The following SWAP70 variants were observed in gnomAD, a reference collection of about 807,000 sequenced individuals.
The protein encoded by SWAP70 is switch-associated protein 70.
Under a neutral mutation model 80.2 loss-of-function variants are expected in SWAP70, and 34 were observed. The observed-to-expected ratio is 0.42, with a 90% CI of 0.32 to 0.56. SWAP70 has a LOEUF of 0.56. Among genes scored for constraint, SWAP70 ranks in the 20% least tolerant of loss-of-function variants. The probability of loss-of-function intolerance (pLI) is 0.09; values close to 1 mark genes in which losing one functional copy is unlikely to be tolerated. For missense variants in SWAP70, 578 were observed against 690.7 expected (o/e 0.84, Z 1.83); for synonymous variants, 239 against 238.5 (o/e 1.00, Z -0.02).
At chr11:9,666,871 C>G (rs1252733040) in intron 1 of SWAP70, among the ~76,000 whole-genome samples, 1 of 151,676 alleles carries the variant, frequency 6.6e-6, no homozygotes, top group South Asian at 2.1e-4. Context: ...ACTACAGACA[C>G]GTGCCACCAA....
At chr11:9,694,726 A>G (rs1013169545) in intron 2 of SWAP70, among the ~76,000 whole-genome samples, 2 of 152,252 alleles carry the variant, frequency 1.3e-5, no homozygotes, top group African/African-American at 4.8e-5. Context: ...ATCACTGATC[A>G]TCAGAGAAAT....
chr11:9,733,377 C>T (rs1247805027), intron 7 of SWAP70, among the ~76,000 whole-genome samples: 1 of 152,200 alleles, frequency 6.6e-6, no homozygotes, highest in African/African-American at 2.4e-5. Context: ...CTCAAGGACT[C>T]TTTCATGCAC....
intron 2 of SWAP70, among the ~76,000 whole-genome samples, chr11:9,695,818 G>A (rs1403733083): frequency 2.0e-5 from 3 of 151,494 alleles, no homozygotes; most frequent in Non-Finnish European, 4.4e-5. Context: ...TTTTTTTTGA[G>A]GGGTCTCATC....
chr11:9,746,918 C>T (rs962894320), intron 9 of SWAP70, among the ~76,000 whole-genome samples: 12 of 152,186 alleles, frequency 7.9e-5, no homozygotes, highest in Non-Finnish European at 1.8e-4. Flanking sequence ...TAGTCTGTTA[C>T]TTTATTCCTT....
At chr11:9,664,398 C>A in intron 1 of SWAP70, 120 bp downstream of exon 1, 3 of 1,092,710 alleles carry the variant, frequency 2.7e-6, no homozygotes, top group South Asian at 1.6e-5. Context: ...GGAATGCGCC[C>A]GGTAGGCCCG....
intron 2 of SWAP70, among the ~76,000 whole-genome samples, chr11:9,710,918 A>G (rs1156351997): frequency 6.6e-6 from 1 of 151,914 alleles, no homozygotes; most frequent in African/African-American, 2.4e-5. Context: ...TCCTGGGCTC[A>G]AGGAATCTTT....
intron 1 of SWAP70, among the ~76,000 whole-genome samples, chr11:9,677,040 A>G (rs558833796): frequency 1.1e-4 from 16 of 150,662 alleles, no homozygotes; most frequent in Admixed American, 2.7e-4. Flanking sequence ...GGCCAACTGT[A>G]TTTCTCTCTT....
Position 9,669,209 on chromosome 11 carries a change from G to A in SWAP70, c.99+4931G>A, listed in dbSNP as rs528227733. Among the ~76,000 whole-genome samples, 164 of 152,328 alleles carry A rather than the reference G, an allele frequency of 1.1e-3. 2 individuals carry two copies. The highest frequency in any genetic ancestry group is 9.0e-3 in the Admixed American group (138 of 15,290). ...CCGAAGGAAGTTAGGATGTGATTAT[G>A]TAGGAATGGGGGAAGATTAAGCCCA... On this transcript the variant is annotated intron_variant, in intron 1 of 11. Transcript: ENST00000318950.
chr11:9,713,777 T>G, intron 3 of SWAP70, 138 bp downstream of exon 3: 1 of 1,013,332 alleles, frequency 9.9e-7, no homozygotes, highest in Non-Finnish European at 1.4e-6. Context: ...CAAAGCAGCC[T>G]GAGTATAGAA....
Position 9,740,332 on chromosome 11 carries a change from G to A in SWAP70, c.1340G>A (p.Arg447Gln), listed in dbSNP as rs1851419689. The A allele has an allele frequency of 3.7e-6, 6 of 1,614,172 alleles. No homozygotes were observed. Among genetic ancestry groups the A allele is most frequent in the Non-Finnish European group, 5.1e-6 (6 of 1,180,006 alleles). ...GCCCGGCAAGATGAAGAGACAGTGCGGAAGCTTCAGGCCAGGTGCCAGATT... is the reference window on the plus strand; with the variant it reads ...GCCCGGCAAGATGAAGAGACAGTGCAGAAGCTTCAGGCCAGGTGCCAGATT... The part of the protein sequence containing the change: ...RQARQDEETV[R>Q]KLQARLLEEE... Residue 447 changes from arginine (R) to glutamine (Q), a missense_variant, in exon 9 of 12, where the codon CGG becomes CAG. Arg to Gln is a conservative substitution (Grantham distance 43). Coordinates refer to ENST00000318950, the MANE Select transcript of SWAP70 (RefSeq NM_015055.4).
At chr11:9,671,753 T>TATAAAATTTATTTATAA in intron 1 of SWAP70, among the ~76,000 whole-genome samples, 1 of 3,268 alleles carries the variant, frequency 3.1e-4, no homozygotes, top group Non-Finnish European at 4.8e-4. Context: ...GAAATATAAA[T>TATAAAATTTATTTATAA]ATATAAATAT....
chr11:9,671,613 T>C (rs1467566948), intron 1 of SWAP70, among the ~76,000 whole-genome samples: 1 of 94,618 alleles, frequency 1.1e-5, no homozygotes, highest in African/African-American at 4.1e-5. Flanking sequence ...TATATAGAAA[T>C]ATATTTCTAT....
intron 7 of SWAP70, among the ~76,000 whole-genome samples, chr11:9,736,645 C>T (rs79193180): frequency 1.8e-3 from 274 of 152,168 alleles, no homozygotes; most frequent in Middle Eastern, 3.4e-3. Context: ...AGTCACCCTG[C>T]GAAGACCCTG....
At chr11:9,739,203 T>C (rs1851403866) in intron 8 of SWAP70, among the ~76,000 whole-genome samples, 1 of 152,234 alleles carries the variant, frequency 6.6e-6, no homozygotes, top group South Asian at 2.1e-4. Context: ...CTTAGGTAGT[T>C]AGCTGGTTAG....
intron 2 of SWAP70, among the ~76,000 whole-genome samples, chr11:9,710,589 C>CG (rs1850983280): frequency 6.6e-6 from 1 of 151,260 alleles, no homozygotes; most frequent in Non-Finnish European, 1.5e-5. Flanking sequence ...AGAAATGCTT[C>CG]GCTGATGTTA....
At chr11:9,740,730 A>C (rs767852810) in intron 9 of SWAP70, 1 of 227,326 alleles carries the variant, frequency 4.4e-6, no homozygotes, top group Admixed American at 5.2e-5. Flanking sequence ...AGGCCTGTTC[A>C]GGCCAACGTT....
intron 1 of SWAP70, among the ~76,000 whole-genome samples, chr11:9,666,031 T>C (rs1003195385): frequency 6.6e-6 from 1 of 151,926 alleles, no homozygotes; most frequent in African/African-American, 2.4e-5. Flanking sequence ...TTCTGCTTTT[T>C]TTTTTTCCTC....
At chr11:9,669,078 A>T (rs140457860) in intron 1 of SWAP70, among the ~76,000 whole-genome samples, 1 of 152,338 alleles carries the variant, frequency 6.6e-6, no homozygotes, top group East Asian at 1.9e-4. Flanking sequence ...TGGGTTAAAG[A>T]TACTGAGTGT....
chr11:9,672,167 A>T (rs1454692889), intron 1 of SWAP70, among the ~76,000 whole-genome samples: 1 of 123,650 alleles, frequency 8.1e-6, no homozygotes, highest in Non-Finnish European at 1.6e-5. Flanking sequence ...TAATATATTT[A>T]AATATATATA....
Sources: gnomAD v4.1 joint callset for allele counts (sites outside exome capture counted in the v4.1 genomes callset) on GRCh38, gnomAD v4.1.1 for gene constraint, MANE v1.5 for transcripts, NCBI Gene and HGNC (gene_info 2026-07-23, HGNC 2026-07-21) for gene names.